SEMA3E: variants seen among roughly 807,000 people sequenced by gnomAD.
SEMA3E encodes the protein semaphorin-3E.
Under a neutral mutation model 93.6 loss-of-function variants are expected in SEMA3E, and 49 were observed. That is an observed-to-expected ratio of 0.52 (90% CI 0.42 to 0.66). The LOEUF (loss-of-function observed/expected upper bound fraction) is 0.66, where lower values mean the gene tolerates loss of function less well. SEMA3E is among the 30% of genes least tolerant of loss of function. The probability of loss-of-function intolerance (pLI) is 0.00; values close to 1 mark genes in which losing one functional copy is unlikely to be tolerated. For synonymous variants in SEMA3E, 363 were observed against 330.7 expected (o/e 1.10, Z -1.06); for missense variants, 906 against 964.8 (o/e 0.94, Z 0.81).
chr7:83,528,654 A>G (rs1161978244), intron 1 of SEMA3E, among the ~76,000 whole-genome samples: 3 of 152,074 alleles, frequency 2.0e-5, no homozygotes, highest in Non-Finnish European at 2.9e-5. Context: ...TTCTTATCCA[A>G]ATCTTTAATG....
intron 1 of SEMA3E, among the ~76,000 whole-genome samples, chr7:83,599,297 G>A (rs1792936596): frequency 6.6e-6 from 1 of 152,124 alleles, no homozygotes; most frequent in Non-Finnish European, 1.5e-5. Flanking sequence ...ATTAGCTATG[G>A]AATTACTTTC....
chr7:83,518,055 C>A (rs1342551057), intron 1 of SEMA3E, among the ~76,000 whole-genome samples: 1 of 151,922 alleles, frequency 6.6e-6, no homozygotes, highest in African/African-American at 2.4e-5. Context: ...GTGGAGGGTG[C>A]AAAAATGGCA....
chr7:83,645,884 A>G (rs1414329844), intron 1 of SEMA3E, among the ~76,000 whole-genome samples: 1 of 151,954 alleles, frequency 6.6e-6, no homozygotes, highest in African/African-American at 2.4e-5. Context: ...TTTTCTGAAC[A>G]TATTTTTATA....
At chr7:83,534,958 T>C (rs925437617) in intron 1 of SEMA3E, among the ~76,000 whole-genome samples, 4 of 152,194 alleles carry the variant, frequency 2.6e-5, no homozygotes, top group Non-Finnish European at 4.4e-5. Flanking sequence ...GCCATTCCTC[T>C]GCAGGAATCA....
intron 3 of SEMA3E, 80 bp from the exon 4 acceptor site, chr7:83,466,681 C>T: frequency 6.5e-7 from 1 of 1,547,646 alleles, no homozygotes; most frequent in African/African-American, 1.4e-5. Context: ...TTTTCCTAGC[C>T]CTAGAAAGCT....
At chr7:83,449,303 T>C (rs1421267763) in intron 4 of SEMA3E, among the ~76,000 whole-genome samples, 1 of 152,016 alleles carries the variant, frequency 6.6e-6, no homozygotes, top group Non-Finnish European at 1.5e-5. Flanking sequence ...TTTCACCATG[T>C]TGTCCAGGCT....
At chr7:83,602,649 C>T (rs962143681) in intron 1 of SEMA3E, among the ~76,000 whole-genome samples, 2 of 151,942 alleles carry the variant, frequency 1.3e-5, no homozygotes, top group South Asian at 2.1e-4. Flanking sequence ...AGCTAATTAT[C>T]GTATTTTTAG....
intron 1 of SEMA3E, among the ~76,000 whole-genome samples, chr7:83,637,201 T>C (rs1005356442): frequency 1.3e-5 from 2 of 152,180 alleles, no homozygotes; most frequent in Non-Finnish European, 2.9e-5. Context: ...TAAACCAATA[T>C]TGATACATTA....
Position 83,368,028 on chromosome 7 carries a change from T to C in SEMA3E, c.1886A>G (p.Asp629Gly), listed in dbSNP as rs1794698965. Residue 629 changes from aspartate (D) to glycine (G), a missense_variant, in exon 17 of 17, where the codon GAT becomes GGT. Coordinates refer to ENST00000643230, the MANE Select transcript of SEMA3E (RefSeq NM_012431.3). ...RETRKEEVKT[D>G]DRVVKMDLGL... ...AAGGTCCATCTTAACCACTCTGTCA[T>C]CTGTCTTCACCTGCAAAAACAAAAA... 3 of 1,613,836 alleles carry C rather than the reference T, an allele frequency of 1.9e-6. No individual in the cohort carries two copies. The Admixed American group carries it at 5.0e-5, about 27-fold the overall frequency.
intron 1 of SEMA3E, among the ~76,000 whole-genome samples, chr7:83,509,165 A>T (rs1231977071): frequency 6.6e-6 from 1 of 152,178 alleles, no homozygotes; most frequent in Non-Finnish European, 1.5e-5. Context: ...AACCTTTATT[A>T]ACTAAAAACT....
At chr7:83,388,405 GA>G (rs1418768666) in intron 14 of SEMA3E, among the ~76,000 whole-genome samples, 14 of 150,076 alleles carry the variant, frequency 9.3e-5, no homozygotes, top group Non-Finnish European at 8.9e-5. Flanking sequence ...TTTTTCTGAG[GA>G]ATTAAACAAT....
chr7:83,529,420 C>A (rs1160591487), intron 1 of SEMA3E, among the ~76,000 whole-genome samples: 1 of 151,930 alleles, frequency 6.6e-6, no homozygotes, highest in East Asian at 1.9e-4. Context: ...ATTTGAGCTG[C>A]CCGTCAAAAA....
chr7:83,580,151 T>C (rs773376114), intron 1 of SEMA3E, among the ~76,000 whole-genome samples: 6 of 152,074 alleles, frequency 3.9e-5, no homozygotes, highest in Non-Finnish European at 8.8e-5. Flanking sequence ...CTTAAATCTC[T>C]TTATCCAAAA....
rs1794662746 is a variant in SEMA3E at position 83,366,104 on chromosome 7, T to C, written c.*1482A>G. 6.6e-6 allele frequency: 1 copy of C among 152,114 alleles called. No homozygotes were observed. The highest frequency in any genetic ancestry group is 2.4e-5 in the African/African-American group (1 of 41,450). The allele number at this position is 152,114 out of a possible 1,614,324, so 9.4% of individuals were successfully genotyped here. A position where few individuals can be genotyped will look rare whatever the true frequency, so the allele number is the denominator to read the frequency against. On this transcript the variant is annotated 3_prime_UTR_variant, in exon 17 of 17. Transcript: ENST00000643230. Reference sequence around the variant, plus strand: ...TGTATTTGTTCATTTTACAATGAAATTGCAAGTGATTATGAGCACTTTAAC... The same window carrying C: ...TGTATTTGTTCATTTTACAATGAAACTGCAAGTGATTATGAGCACTTTAAC...
intron 13 of SEMA3E, among the ~76,000 whole-genome samples, chr7:83,394,030 G>A (rs937274508): frequency 9.9e-5 from 15 of 152,052 alleles, no homozygotes; most frequent in African/African-American, 3.4e-4. Context: ...TAAAGTTTCA[G>A]TCAAACAAGA....
intron 1 of SEMA3E, among the ~76,000 whole-genome samples, chr7:83,493,450 A>G (rs1474557377): frequency 6.6e-6 from 1 of 152,006 alleles, no homozygotes; most frequent in African/African-American, 2.4e-5. Flanking sequence ...GTCTGGATAC[A>G]TAAAACTGAA....
At chr7:83,550,581 T>C (rs567643016) in intron 1 of SEMA3E, among the ~76,000 whole-genome samples, 2 of 152,262 alleles carry the variant, frequency 1.3e-5, no homozygotes. Flanking sequence ...CTGACATTCA[T>C]TTATTGAGAA....
intron 1 of SEMA3E, among the ~76,000 whole-genome samples, chr7:83,563,374 G>A (rs892855552): frequency 6.6e-6 from 1 of 152,150 alleles, no homozygotes; most frequent in Non-Finnish European, 1.5e-5. Flanking sequence ...TGCCACTACT[G>A]TTAGTATTAT....
At position 83,468,930 on chromosome 7, in the gene SEMA3E, A is replaced by G. The variant is rs1456070186; in HGVS notation, c.336+313T>C. On this transcript the variant is annotated intron_variant, in intron 3 of 16. Transcript: ENST00000643230. Reference sequence around the variant, plus strand: ...TGTGCTTAACTGTTCCTAGAAAAAAAAAATTACCTGCAATTATTTTTCTGC... The same window carrying G: ...TGTGCTTAACTGTTCCTAGAAAAAAGAAATTACCTGCAATTATTTTTCTGC... Among the ~76,000 whole-genome samples, 5 of 152,360 alleles carry G rather than the reference A, an allele frequency of 3.3e-5. No individual in the cohort carries two copies. In the East Asian group the frequency reaches 9.6e-4, roughly 29 times the overall value.
Sources: gnomAD v4.1 joint callset for allele counts (sites outside exome capture counted in the v4.1 genomes callset) on GRCh38, gnomAD v4.1.1 for gene constraint, MANE v1.5 for transcripts, NCBI Gene and HGNC (gene_info 2026-07-23, HGNC 2026-07-21) for gene names.